Variants in NCOA6 observed in about 807,000 individuals in gnomAD.
NCOA6 encodes nuclear receptor coactivator 6.
Under a neutral mutation model 171.4 loss-of-function variants are expected in NCOA6, and 49 were observed. The ratio of observed to expected loss-of-function variants is 0.29; its 90% confidence interval spans 0.23 to 0.36. The LOEUF (loss-of-function observed/expected upper bound fraction) is 0.36. Among genes scored for constraint, NCOA6 ranks in the 10% least tolerant of loss-of-function variants. NCOA6 has a pLI of 1.00. For synonymous variants in NCOA6, 910 were observed against 927.5 expected (o/e 0.98, Z 0.34); for missense variants, 2,248 against 2,554.5 (o/e 0.88, Z 2.59).
At position 34,810,586 on chromosome 20, in the gene NCOA6, C is replaced by T. The variant is rs571128791; in HGVS notation, c.-164+14886G>A. Among the ~76,000 whole-genome samples, 4 of 150,396 alleles carry T rather than the reference C, an allele frequency of 2.7e-5. No homozygotes were observed. In the East Asian group the frequency reaches 5.9e-4, roughly 22 times the overall value. Reference sequence around the variant, plus strand: ...TTTGTTTGTTTTTGAGACGGAGTCTCGCTCTGTCACCCAGGCTGGAGTGCA... The same window carrying T: ...TTTGTTTGTTTTTGAGACGGAGTCTTGCTCTGTCACCCAGGCTGGAGTGCA... On this transcript the variant is annotated intron_variant, in intron 1 of 14. Coordinates refer to ENST00000359003, the MANE Select transcript of NCOA6 (RefSeq NM_014071.5).
At position 34,749,911 on chromosome 20, in the gene NCOA6, T is replaced by A; in HGVS notation, c.2284A>T (p.Met762Leu). The change falls in exon 9 of 15, where the codon ATG becomes TTG. Residue 762 changes from methionine (M) to leucine (L), a missense_variant. Met to Leu is a conservative substitution (Grantham distance 15, BLOSUM62 2). Around this residue, in one of 7 missense-constraint regions of NCOA6, gnomAD observed 987 missense variants for 1,104.7 expected, o/e 0.89. Transcript: ENST00000359003. ...QGNMVQFTGQ[M>L]SGQMLPQQGP... ...TGCTGGGGCAGCATCTGTCCTGACA[T>A]CTGTCCCGTAAACTGCACCATATTT... 6.2e-7 allele frequency: 1 copy of A among 1,614,234 alleles called. No individual in the cohort carries two copies. Among genetic ancestry groups the A allele is most frequent in the Non-Finnish European group, 8.5e-7 (1 of 1,180,038 alleles).
Position 34,742,932 on chromosome 20 carries a change from A to G in NCOA6, c.3324T>C (p.Asn1108=), listed in dbSNP as rs750013202. The G allele has an allele frequency of 6.2e-7, 1 of 1,614,046 alleles. No individual in the cohort carries two copies. The highest frequency in any genetic ancestry group is 8.5e-7 in the Non-Finnish European group (1 of 1,179,982). ...PMPVNTPLGS[N]SRKMVYQESP... ...TCTCCTGATAGACCATTTTCCTTGAATTGCTTCCCAAGGGAGTATTCACAG... is the reference window on the plus strand; with the variant it reads ...TCTCCTGATAGACCATTTTCCTTGAGTTGCTTCCCAAGGGAGTATTCACAG... The change falls in exon 11 of 15, where the codon AAT becomes AAC. Residue 1108 remains asparagine, a synonymous_variant. Transcript: ENST00000359003.
chr20:34,817,525 G>C (rs999091253), intron 1 of NCOA6, among the ~76,000 whole-genome samples: 1 of 152,034 alleles, frequency 6.6e-6, no homozygotes, highest in African/African-American at 2.4e-5. Context: ...CAAAGCCATA[G>C]TATTTCATTT....
At chr20:34,784,641 T>C (rs1231781158) in intron 2 of NCOA6, among the ~76,000 whole-genome samples, 1 of 150,416 alleles carries the variant, frequency 6.6e-6, no homozygotes, top group African/African-American at 2.5e-5. Context: ...ATTAACTGGG[T>C]GTGGTGGTGC....
chr20:34,814,166 C>T, intron 1 of NCOA6, among the ~76,000 whole-genome samples: 1 of 152,078 alleles, frequency 6.6e-6, no homozygotes, highest in African/African-American at 2.4e-5. Flanking sequence ...CCATGAAATA[C>T]AAAATCCCGT....
intron 13 of NCOA6, among the ~76,000 whole-genome samples, chr20:34,731,603 TA>T (rs2145385324): frequency 6.6e-6 from 1 of 152,334 alleles, no homozygotes; most frequent in East Asian, 1.9e-4. Context: ...AACATTCAAA[TA>T]AATGGTGGCT....
intron 5 of NCOA6, among the ~76,000 whole-genome samples, chr20:34,759,797 G>A (rs1274534671): frequency 6.6e-6 from 1 of 151,986 alleles, no homozygotes. Context: ...AGTGTCTTTA[G>A]ACTATATATT....
chr20:34,751,530 A>G (rs2076488418), intron 8 of NCOA6, among the ~76,000 whole-genome samples: 1 of 152,154 alleles, frequency 6.6e-6, no homozygotes, highest in Admixed American at 6.5e-5. Flanking sequence ...TTCAAAGAAA[A>G]TAACACCAAG....
At chr20:34,790,865 A>G (rs2077857909) in intron 2 of NCOA6, among the ~76,000 whole-genome samples, 1 of 151,608 alleles carries the variant, frequency 6.6e-6, no homozygotes, top group African/African-American at 2.4e-5. Flanking sequence ...TGGCCAGGCT[A>G]GTCTCAAACT....
chr20:34,745,442 C>T (rs1246726176), intron 10 of NCOA6, among the ~76,000 whole-genome samples: 1 of 152,200 alleles, frequency 6.6e-6, no homozygotes, highest in Non-Finnish European at 1.5e-5. Flanking sequence ...TGGACATACT[C>T]CCCAAAGACT....
chr20:34,781,502 G>A (rs1454411992), intron 3 of NCOA6, among the ~76,000 whole-genome samples: 1 of 152,220 alleles, frequency 6.6e-6, no homozygotes, highest in Non-Finnish European at 1.5e-5. Flanking sequence ...CTGGGAGAGA[G>A]GGAGAACTCA....
chr20:34,788,721 G>A (rs1205374757), intron 2 of NCOA6, among the ~76,000 whole-genome samples: 2 of 152,128 alleles, frequency 1.3e-5, no homozygotes, highest in East Asian at 1.9e-4. Context: ...CGAAGCAGGC[G>A]GATCACCTGA....
At chr20:34,740,228 C>G in intron 11 of NCOA6, 135 bp downstream of exon 11, 1 of 1,208,120 alleles carries the variant, frequency 8.3e-7, no homozygotes, top group Non-Finnish European at 1.1e-6. Context: ...AACGTACTTT[C>G]AATAAATAAA....
At chr20:34,756,805 A>G (rs907872696) in intron 7 of NCOA6, among the ~76,000 whole-genome samples, 2 of 152,232 alleles carry the variant, frequency 1.3e-5, no homozygotes, top group African/African-American at 4.8e-5. Context: ...ATCAAAATTG[A>G]TAACTAAAAG....
At chr20:34,792,228 A>G (rs1333094042) in intron 2 of NCOA6, among the ~76,000 whole-genome samples, 1 of 152,074 alleles carries the variant, frequency 6.6e-6, no homozygotes, top group African/African-American at 2.4e-5. Context: ...CTACAGTGAA[A>G]CCTAAGATTA....
chr20:34,721,747 G>A (rs777786294), intron 14 of NCOA6, among the ~76,000 whole-genome samples: 8 of 152,172 alleles, frequency 5.3e-5, no homozygotes, highest in Non-Finnish European at 1.0e-4. Flanking sequence ...TCCATGGCCC[G>A]GGGATTGGGG....
At chr20:34,800,752 T>C (rs965171264) in intron 1 of NCOA6, among the ~76,000 whole-genome samples, 2 of 152,122 alleles carry the variant, frequency 1.3e-5, no homozygotes, top group African/African-American at 4.8e-5. Flanking sequence ...CAGACCCCAA[T>C]ACAGTAAGAG....
rs980618446 is a variant in NCOA6 at position 34,741,260 on chromosome 20, T to C, written c.4996A>G (p.Ile1666Val). 3 of 1,614,118 alleles carry C rather than the reference T, an allele frequency of 1.9e-6. No individual in the cohort carries two copies. Among genetic ancestry groups the C allele is most frequent in the African/African-American group, 1.3e-5 (1 of 74,944 alleles). Residue 1666 changes from isoleucine (I) to valine (V), a missense_variant, in exon 11 of 15, where the codon ATA becomes GTA. Ile to Val is a conservative substitution (Grantham distance 29, BLOSUM62 3). Transcript: ENST00000359003. ...TGTGATCCTTTCATAACCTGAATTA[T>C]TGAGGATGAATTGATAAAGACAGGT... Reference protein sequence around the residue: ...ITPVFINSSSIIQVMKGSQPS... With the variant: ...ITPVFINSSSVIQVMKGSQPS...
chr20:34,749,125 G>A (rs1179400918), intron 9 of NCOA6, among the ~76,000 whole-genome samples: 4 of 152,154 alleles, frequency 2.6e-5, no homozygotes, highest in Non-Finnish European at 4.4e-5. Context: ...TAGTTTTCTA[G>A]GTGTGCTAAC....
Sources: gnomAD v4.1 joint callset for allele counts (sites outside exome capture counted in the v4.1 genomes callset) on GRCh38, gnomAD v4.1.1 for gene constraint, gnomAD v4.1.1 regional missense constraint, MANE v1.5 for transcripts, NCBI Gene and HGNC (gene_info 2026-07-23, HGNC 2026-07-21) for gene names.